The following CTNND2 variants were observed in gnomAD, a reference collection of about 807,000 sequenced individuals.
CTNND2 encodes catenin delta 2.
A neutral mutation model predicts 144.4 loss-of-function variants in CTNND2; 22 were observed. The ratio of observed to expected loss-of-function variants is 0.15; its 90% CI spans 0.11 to 0.22. The LOEUF (loss-of-function observed/expected upper bound fraction) is 0.22. CTNND2 is among the 10% of genes least tolerant of loss of function. CTNND2 has a pLI of 1.00. For synonymous variants in CTNND2, 751 were observed against 695.6 expected, an observed-to-expected ratio of 1.08 and a Z score of -1.25; for missense variants, 1,353 against 1,618.8, an observed-to-expected ratio of 0.84 and a Z score of 2.82.
chr5:11,361,713 AT>A (rs1165598112), intron 8 of CTNND2, among the ~76,000 whole-genome samples: 1 of 152,204 alleles, frequency 6.6e-6, no homozygotes, highest in African/African-American at 2.4e-5. Context: ...ACCTACCACC[AT>A]CTTTTTCTAT....
At chr5:11,071,271 C>A (rs532066418) in intron 16 of CTNND2, among the ~76,000 whole-genome samples, 1 of 152,316 alleles carries the variant, frequency 6.6e-6, no homozygotes, top group South Asian at 2.1e-4. Flanking sequence ...GGCACAGTGG[C>A]TCATGCCTGT....
chr5:11,246,738 G>T (rs1158005155), intron 9 of CTNND2, among the ~76,000 whole-genome samples: 1 of 144,600 alleles, frequency 6.9e-6, no homozygotes, highest in African/African-American at 2.5e-5. Flanking sequence ...GGGGTGGGGG[G>T]TGGTTATTAT....
At chr5:11,079,683 T>G (rs900970755) in intron 16 of CTNND2, among the ~76,000 whole-genome samples, 1 of 152,210 alleles carries the variant, frequency 6.6e-6, no homozygotes, top group Non-Finnish European at 1.5e-5. Context: ...AATACCTGCA[T>G]GGCTTCCTGT....
chr5:11,664,997 G>A (rs1205895851), intron 2 of CTNND2, among the ~76,000 whole-genome samples: 1 of 152,154 alleles, frequency 6.6e-6, no homozygotes, highest in Non-Finnish European at 1.5e-5. Context: ...TTAATATTTG[G>A]TGTCACGGGG....
At chr5:11,814,946 A>G (rs1792545034) in intron 1 of CTNND2, among the ~76,000 whole-genome samples, 2 of 152,338 alleles carry the variant, frequency 1.3e-5, no homozygotes, top group African/African-American at 4.8e-5. Context: ...ATAGTTTCAT[A>G]TTTTAGTAGT....
chr5:11,827,902 A>C (rs904341823), intron 1 of CTNND2, among the ~76,000 whole-genome samples: 8 of 152,200 alleles, frequency 5.3e-5, no homozygotes, highest in Non-Finnish European at 8.8e-5. Context: ...GGAACTGAAC[A>C]CTTCTTAAAT....
In CTNND2 at chr5:11,879,909, C is replaced by G. The variant is rs150508407; in HGVS notation, c.37+23908G>C. ...GGCATGGTCACATGGCCCACTCGGC[C>G]TGACGAAATAGGGACATACGACTCA... On this transcript the variant is annotated intron_variant, in intron 1 of 21. Coordinates refer to ENST00000304623, the MANE Select transcript of CTNND2 (RefSeq NM_001332.4). Among the ~76,000 whole-genome samples the G allele has an allele frequency of 3.3e-4, 51 of 152,256 alleles. 1 individual carries two copies. In the East Asian group the frequency reaches 9.7e-3, roughly 29 times the overall value.
At chr5:10,987,193 G>A (rs1161535850) in intron 20 of CTNND2, among the ~76,000 whole-genome samples, 1 of 152,222 alleles carries the variant, frequency 6.6e-6, no homozygotes, top group Non-Finnish European at 1.5e-5. Flanking sequence ...TCTACAGCCA[G>A]AGCCCACATC....
chr5:11,045,484 C>T (rs907446197), intron 16 of CTNND2, among the ~76,000 whole-genome samples: 1 of 152,192 alleles, frequency 6.6e-6, no homozygotes, highest in Non-Finnish European at 1.5e-5. Flanking sequence ...GTCCCTGTGA[C>T]CCACATACCT....
chr5:11,725,894 C>A (rs181188147), intron 2 of CTNND2, among the ~76,000 whole-genome samples: 1 of 152,120 alleles, frequency 6.6e-6, no homozygotes, highest in Admixed American at 6.6e-5. Flanking sequence ...TATCTGGTTC[C>A]ATTTCTCTGA....
At chr5:11,265,229 AT>A (rs1745315659) in intron 9 of CTNND2, among the ~76,000 whole-genome samples, 1 of 152,242 alleles carries the variant, frequency 6.6e-6, no homozygotes, top group Non-Finnish European at 1.5e-5. Flanking sequence ...GTTATTGAAC[AT>A]TAGTGTCTCA....
intron 8 of CTNND2, among the ~76,000 whole-genome samples, chr5:11,353,178 G>T (rs1755505036): frequency 6.6e-6 from 1 of 151,644 alleles, no homozygotes; most frequent in Non-Finnish European, 1.5e-5. Flanking sequence ...TACCATATTA[G>T]GGGCTTCTTC....
At position 11,470,954 on chromosome 5, in the gene CTNND2, G is replaced by GTATA. The variant is rs71595821; in HGVS notation, c.288-58889_288-58886dup. ...TACTTTAGCTATTATTTGATACAAAGTATATATATATATATATATATATAT... is the reference window on the plus strand; with the variant it reads ...TACTTTAGCTATTATTTGATACAAAGTATATATATATATATATATATATATATAT... On this transcript the variant is annotated intron_variant, in intron 3 of 21. Transcript: ENST00000304623. Among the ~76,000 whole-genome samples the GTATA allele has an allele frequency of 3.4e-3, 218 of 63,234 alleles. 4 individuals carry two copies. Among genetic ancestry groups the GTATA allele is most frequent in the East Asian group, 0.013 (43 of 3,298 alleles). The allele number at this position is 63,234 out of a possible 152,430, so 41.5% of individuals were successfully genotyped here.
At chr5:11,587,455 C>A (rs945011559) in intron 2 of CTNND2, among the ~76,000 whole-genome samples, 1 of 151,944 alleles carries the variant, frequency 6.6e-6, no homozygotes, top group Non-Finnish European at 1.5e-5. Context: ...AAGGGCCTTT[C>A]TTCCTCAGTT....
At chr5:11,055,295 T>G (rs1162529577) in intron 16 of CTNND2, among the ~76,000 whole-genome samples, 2 of 152,228 alleles carry the variant, frequency 1.3e-5, no homozygotes, top group Non-Finnish European at 2.9e-5. Flanking sequence ...CTTCATTGAC[T>G]AAAGGCTGAG....
At chr5:11,238,137 A>G (rs1741839363) in intron 9 of CTNND2, among the ~76,000 whole-genome samples, 1 of 152,228 alleles carries the variant, frequency 6.6e-6, no homozygotes, top group Non-Finnish European at 1.5e-5. Context: ...TTCTTTTATT[A>G]AATCTCTCCA....
At chr5:11,240,433 C>T (rs1417884406) in intron 9 of CTNND2, among the ~76,000 whole-genome samples, 1 of 112,664 alleles carries the variant, frequency 8.9e-6, no homozygotes, top group Admixed American at 9.9e-5. Flanking sequence ...CACACACTCA[C>T]ACACACCCAA....
chr5:11,408,473 G>C (rs1002341854), intron 5 of CTNND2, among the ~76,000 whole-genome samples: 5 of 152,118 alleles, frequency 3.3e-5, no homozygotes, highest in African/African-American at 1.2e-4. Context: ...CTGTGGTTCA[G>C]AATCCTTCCG....
At chr5:11,716,048 C>T (rs1274503302) in intron 2 of CTNND2, among the ~76,000 whole-genome samples, 2 of 152,080 alleles carry the variant, frequency 1.3e-5, no homozygotes, top group Non-Finnish European at 2.9e-5. Context: ...CTGATGTGTC[C>T]GCATCTGTTC....
Sources: gnomAD v4.1 joint callset for allele counts (sites outside exome capture counted in the v4.1 genomes callset) on GRCh38, gnomAD v4.1.1 for gene constraint, MANE v1.5 for transcripts, NCBI Gene and HGNC (gene_info 2026-07-23, HGNC 2026-07-21) for gene names.